The following CSMD1 variants were observed in gnomAD, a reference collection of about 807,000 sequenced individuals.
The protein encoded by CSMD1 is CUB and Sushi multiple domains 1.
A neutral mutation model predicts 417.5 loss-of-function variants in CSMD1; 213 were observed. The observed-to-expected ratio is 0.51, with a 90% CI of 0.46 to 0.57. The LOEUF is 0.57. Ranked by LOEUF, CSMD1 falls within the 20% of genes least tolerant of loss-of-function variation. CSMD1 has a pLI of 0.00. For missense variants in CSMD1, 6,923 were observed against 4,529.7 expected, an observed-to-expected ratio of 1.53 and a Z score of -15.17; for synonymous variants, 2,862 against 1,736.8, an observed-to-expected ratio of 1.65 and a Z score of -16.11.
intron 1 of CSMD1, among the ~76,000 whole-genome samples, chr8:4,706,189 AT>A (rs1390436391): frequency 2.0e-5 from 3 of 151,390 alleles, no homozygotes; most frequent in Non-Finnish European, 2.9e-5. Flanking sequence ...TTTTCAATAT[AT>A]TTTTTCCAAA....
chr8:3,759,660 A>G (rs1460679023), intron 5 of CSMD1, among the ~76,000 whole-genome samples: 1 of 151,606 alleles, frequency 6.6e-6, no homozygotes, highest in African/African-American at 2.4e-5. Context: ...TTGGGAGGCC[A>G]AGGTCAGCGG....
intron 5 of CSMD1, among the ~76,000 whole-genome samples, chr8:3,847,875 G>A (rs546120660): frequency 4.6e-5 from 7 of 152,156 alleles, no homozygotes; most frequent in Admixed American, 4.6e-4. Context: ...CCTATAGCTA[G>A]TCTGACTTTT....
At chr8:3,786,616 G>C (rs992980849) in intron 5 of CSMD1, among the ~76,000 whole-genome samples, 9 of 152,176 alleles carry the variant, frequency 5.9e-5, no homozygotes, top group Admixed American at 2.0e-4. Flanking sequence ...CAGCAAAGCA[G>C]TTGCTTAAAT....
At chr8:3,633,663 A>G (rs369018352) in intron 7 of CSMD1, among the ~76,000 whole-genome samples, 4 of 152,234 alleles carry the variant, frequency 2.6e-5, no homozygotes, top group African/African-American at 9.6e-5. Flanking sequence ...CAATCTTAAG[A>G]CATGAAAATA....
chr8:3,411,906 A>ATATGCACGTATACATGCACGTATATATG (rs1352044536), intron 12 of CSMD1, among the ~76,000 whole-genome samples: 3 of 36,816 alleles, frequency 8.1e-5, no homozygotes, highest in Admixed American at 2.8e-4. Context: ...ACGTATATAT[A>ATATGCACGTATACATGCACGTATATATG]CACGTATATA....
At chr8:4,384,129 A>C (rs890209035) in intron 3 of CSMD1, among the ~76,000 whole-genome samples, 9 of 152,188 alleles carry the variant, frequency 5.9e-5, no homozygotes, top group Non-Finnish European at 1.3e-4. Context: ...TTCAGCTTTT[A>C]TCATACTTGA....
chr8:4,163,064 C>T (rs1021405392), intron 3 of CSMD1, among the ~76,000 whole-genome samples: 9 of 152,118 alleles, frequency 5.9e-5, no homozygotes, highest in Admixed American at 2.0e-4. Flanking sequence ...GCATGGCTTT[C>T]GGTTAATTTT....
At chr8:3,946,937 C>T (rs1811268478) in intron 5 of CSMD1, among the ~76,000 whole-genome samples, 1 of 152,106 alleles carries the variant, frequency 6.6e-6, no homozygotes, top group South Asian at 2.1e-4. Context: ...TGTCTAGTAA[C>T]TTTTGTATAG....
At chr8:3,822,810 G>C (rs1041536978) in intron 5 of CSMD1, among the ~76,000 whole-genome samples, 3 of 151,996 alleles carry the variant, frequency 2.0e-5, no homozygotes, top group Non-Finnish European at 2.9e-5. Flanking sequence ...ACAGAACTTT[G>C]GGCTTATTTT....
At chr8:4,508,591 C>A (rs1266145107) in intron 2 of CSMD1, among the ~76,000 whole-genome samples, 1 of 152,062 alleles carries the variant, frequency 6.6e-6, no homozygotes, top group African/African-American at 2.4e-5. Context: ...GCCATATTTT[C>A]TTTTATAAAT....
chr8:3,001,539 T>G (rs1225706067), intron 52 of CSMD1, among the ~76,000 whole-genome samples: 4 of 152,240 alleles, frequency 2.6e-5, no homozygotes, highest in Non-Finnish European at 5.9e-5. Context: ...AATAATCATC[T>G]TTGTCACTCT....
Position 4,987,860 on chromosome 8 carries a change from G to A in CSMD1, c.85+6472C>T, listed in dbSNP as rs542471282. On this transcript the variant is annotated intron_variant, in intron 1 of 69. Coordinates refer to ENST00000635120, the MANE Select transcript of CSMD1 (RefSeq NM_033225.6). ...TGGATGCTTCTTGTCCTCGAAAATC[G>A]GACTCTAAGGTGTTCACCTATTGGA... Among the ~76,000 whole-genome samples, 16 of 152,236 alleles carry A rather than the reference G, an allele frequency of 1.1e-4. No individual in the cohort carries two copies. The South Asian group carries it at 1.7e-3, about 16-fold the overall frequency.
chr8:4,275,970 A>G (rs1796463787), intron 3 of CSMD1, among the ~76,000 whole-genome samples: 3 of 152,230 alleles, frequency 2.0e-5, no homozygotes, highest in Admixed American at 2.0e-4. Flanking sequence ...GTCAGGAAAC[A>G]GCAGATGCTG....
intron 18 of CSMD1, among the ~76,000 whole-genome samples, chr8:3,379,436 C>T (rs964785716): frequency 2.0e-5 from 3 of 152,066 alleles, no homozygotes; most frequent in African/African-American, 4.8e-5. Flanking sequence ...GCCCATATAG[C>T]CAAATGAATC....
intron 26 of CSMD1, among the ~76,000 whole-genome samples, chr8:3,235,321 C>G (rs969932721): frequency 2.0e-5 from 3 of 151,956 alleles, no homozygotes; most frequent in Admixed American, 6.6e-5. Flanking sequence ...TAATGTTTAT[C>G]AAAAGAAAAG....
intron 10 of CSMD1, among the ~76,000 whole-genome samples, chr8:3,563,884 G>A (rs145640999): frequency 7.2e-5 from 11 of 152,098 alleles, no homozygotes; most frequent in Middle Eastern, 3.4e-3. Flanking sequence ...ACTAGACTCC[G>A]TCTCAAAAAA....
At position 3,406,070 on chromosome 8, in the gene CSMD1, T is replaced by C; in HGVS notation, c.2223A>G (p.Gln741=). 1 of 1,613,968 alleles carries C rather than the reference T, an allele frequency of 6.2e-7. No homozygotes were observed. Among genetic ancestry groups the C allele is most frequent in the South Asian group, 1.1e-5 (1 of 91,082 alleles). ...QGSESITCIL[Q]DGNVVWSSTV... The stretch of plus-strand genomic sequence containing the variant: ...TGGAGCTCCAGACCACGTTCCCGTC[T>C]TGCAGTATGCAGGTAATGGACTCGG... Residue 741 remains glutamine, a synonymous_variant, in exon 15 of 70, where the codon CAA becomes CAG. Coordinates refer to ENST00000635120, the MANE Select transcript of CSMD1 (RefSeq NM_033225.6).
chr8:4,803,742 T>A (rs755558787), intron 1 of CSMD1, among the ~76,000 whole-genome samples: 1 of 152,228 alleles, frequency 6.6e-6, no homozygotes, highest in Non-Finnish European at 1.5e-5. Context: ...AAAATACTAA[T>A]ATAATTTTTT....
chr8:2,967,997 T>C lies in CSMD1; in HGVS notation c.8924-1251A>G, dbSNP rs113575106. Among the ~76,000 whole-genome samples, 326 of 152,316 alleles carry C rather than the reference T, an allele frequency of 2.1e-3. 1 individual carries two copies. Among genetic ancestry groups the C allele is most frequent in the African/African-American group, 7.5e-3 (313 of 41,576 alleles). ...CAATCACAGCCCTCTTCTCTGATGG[T>C]TCACGGTGTGACTTCCAACCCCTTC... On this transcript the variant is annotated intron_variant, in intron 57 of 69. Coordinates refer to ENST00000635120, the MANE Select transcript of CSMD1 (RefSeq NM_033225.6).
Sources: allele counts gnomAD v4.1 joint callset (sites outside exome capture counted in the v4.1 genomes callset), GRCh38; gene constraint gnomAD v4.1.1; transcripts MANE v1.5; gene names NCBI Gene and HGNC (gene_info 2026-07-23, HGNC 2026-07-21).